Variants in TEKT5 observed in about 807,000 individuals in gnomAD.
TEKT5 encodes the protein tektin-5.
Under a neutral mutation model 48.7 loss-of-function variants are expected in TEKT5, and 52 were observed. That is an observed-to-expected ratio of 1.07 (90% CI 0.86 to 1.35). TEKT5 has a LOEUF of 1.35. TEKT5 is among the 40% of genes most tolerant of loss of function. The pLI, the probability that TEKT5 is intolerant of heterozygous loss-of-function variation, is 0.00. For missense variants in TEKT5, 831 were observed against 641.6 expected (o/e 1.30, Z -3.19); for synonymous variants, 318 against 267.6 (o/e 1.19, Z -1.84).
At chr16:10,689,389 G>C (rs1898924794) in intron 2 of TEKT5, 66 bp from the exon 3 acceptor site, 3 of 1,413,182 alleles carry the variant, frequency 2.1e-6, no homozygotes, top group African/African-American at 1.4e-5. Flanking sequence ...TCCCAGGCCA[G>C]AGCCCTCAGC....
Position 10,652,491 on chromosome 16 carries a change from CA to C in TEKT5, c.1087-16574del, listed in dbSNP as rs1898176031. ...ACACACACACACACACACACACACA[CA>C]CACCCTCCAGGCCAGGTAGAGCGAT... On this transcript the variant is annotated intron_variant, in intron 5 of 6. Transcript: ENST00000283025. Among the ~76,000 whole-genome samples, 46 of 141,172 alleles carry C rather than the reference CA, an allele frequency of 3.3e-4. 3 individuals are homozygous for C. In the South Asian group the frequency reaches 5.3e-3, roughly 16 times the overall value. 92.6% of individuals were successfully genotyped at this position (141,172 alleles called of 152,430 possible). A position where few individuals can be genotyped will look rare whatever the true frequency, so the allele number is the denominator to read the frequency against.
chr16:10,691,816 C>T (rs1567237894), intron 1 of TEKT5, among the ~76,000 whole-genome samples: 3 of 151,900 alleles, frequency 2.0e-5, no homozygotes, highest in South Asian at 2.1e-4. Context: ...GGCATAGTGG[C>T]GGGCGCCTGT....
intron 5 of TEKT5, among the ~76,000 whole-genome samples, chr16:10,662,615 A>G (rs945898014): frequency 1.3e-5 from 2 of 152,184 alleles, no homozygotes; most frequent in African/African-American, 4.8e-5. Context: ...GCTTTCTTGC[A>G]ACGTATCCTT....
intron 1 of TEKT5, among the ~76,000 whole-genome samples, chr16:10,693,949 G>A (rs1216675847): frequency 1.3e-5 from 2 of 152,212 alleles, no homozygotes; most frequent in African/African-American, 4.8e-5. Context: ...CAGCTTGGGT[G>A]ACAGAGGGAG....
At chr16:10,642,865 G>A in intron 5 of TEKT5, among the ~76,000 whole-genome samples, 1 of 152,128 alleles carries the variant, frequency 6.6e-6, no homozygotes, top group East Asian at 1.9e-4. Context: ...TAGAGAGTGA[G>A]TTCTTAAAGG....
At chr16:10,646,134 C>CA (rs771452656) in intron 5 of TEKT5, among the ~76,000 whole-genome samples, 5,307 of 135,770 alleles carry the variant, frequency 0.039, 199 homozygotes, top group African/African-American at 0.1. Context: ...GACTCTGTCT[C>CA]AAAAAAAAAA....
chr16:10,649,689 G>A (rs2142272519), intron 5 of TEKT5, among the ~76,000 whole-genome samples: 1 of 152,254 alleles, frequency 6.6e-6, no homozygotes, highest in Admixed American at 6.5e-5. Flanking sequence ...TCCCACACTG[G>A]CCTCCTAAAG....
At chr16:10,689,753 G>A (rs542658383) in intron 2 of TEKT5, among the ~76,000 whole-genome samples, 189 bp downstream of exon 2, 1 of 152,050 alleles carries the variant, frequency 6.6e-6, no homozygotes, top group South Asian at 2.1e-4. Context: ...AAAGACTGAG[G>A]GTCAAATAAC....
chr16:10,638,870 T>A lies in TEKT5; in HGVS notation c.1087-2952A>T, dbSNP rs74940092. 1.7e-3 allele frequency among the ~76,000 whole-genome samples: 264 copies of A among 152,336 alleles called. 1 individual carries two copies. The highest frequency in any genetic ancestry group is 6.2e-3 in the African/African-American group (258 of 41,584). On this transcript the variant is annotated intron_variant, in intron 5 of 6. Coordinates refer to ENST00000283025, the MANE Select transcript of TEKT5 (RefSeq NM_144674.2). ...GTCTGGGGAAAGAGACAGACAAGAC[T>A]ATGATGTAAAACAAAAAGTACTATC...
chr16:10,631,654 G>A (rs1437833164), intron 6 of TEKT5, among the ~76,000 whole-genome samples: 4 of 152,108 alleles, frequency 2.6e-5, no homozygotes, highest in East Asian at 1.9e-4. Context: ...TCCAATGACT[G>A]ATCTCCTGAT....
intron 5 of TEKT5, among the ~76,000 whole-genome samples, chr16:10,664,029 A>G (rs1898418688): frequency 6.6e-6 from 1 of 152,248 alleles, no homozygotes; most frequent in South Asian, 2.1e-4. Flanking sequence ...CTTGCCTGAG[A>G]GACCAATATG....
At chr16:10,632,869 G>GACACACACACAC (rs35503579) in intron 6 of TEKT5, among the ~76,000 whole-genome samples, 1,369 of 131,694 alleles carry the variant, frequency 0.01, 28 homozygotes, top group East Asian at 0.013. Context: ...CACAGATGCA[G>GACACACACACAC]ACACACACAC....
chr16:10,644,103 T>C (rs942067817), intron 5 of TEKT5, among the ~76,000 whole-genome samples: 8 of 152,214 alleles, frequency 5.3e-5, no homozygotes, highest in Non-Finnish European at 1.2e-4. Flanking sequence ...AAGCAGCTAC[T>C]AGACACTTTA....
chr16:10,654,924 TC>T lies in TEKT5; in HGVS notation c.1087-19007del, dbSNP rs375024938. Among the ~76,000 whole-genome samples the T allele has an allele frequency of 5.3e-4, 24 of 44,996 alleles. 1 individual carries two copies. In the South Asian group the frequency reaches 6.4e-3, roughly 12 times the overall value. The allele number at this position is 44,996 out of a possible 152,430, so 29.5% of individuals were successfully genotyped here. ...CCACCATGCCATGGACTGTCCTGTC[TC>T]CCCCCCCTCCCCTCCCCCACCCCCC... is the stretch of plus-strand genomic sequence containing the variant. On this transcript the variant is annotated intron_variant, in intron 5 of 6. Transcript: ENST00000283025.
intron 5 of TEKT5, among the ~76,000 whole-genome samples, chr16:10,649,437 T>A (rs967711197): frequency 4.6e-5 from 7 of 152,018 alleles, no homozygotes; most frequent in Non-Finnish European, 8.8e-5. Context: ...ATTATTTTTT[T>A]AATTTTCTTT....
At chr16:10,639,544 C>T (rs1018603872) in intron 5 of TEKT5, among the ~76,000 whole-genome samples, 9 of 152,066 alleles carry the variant, frequency 5.9e-5, no homozygotes, top group Non-Finnish European at 1.2e-4. Context: ...AAGTGTGTGA[C>T]AAGAAAAAAA....
chr16:10,635,037 T>A (rs923372861), intron 6 of TEKT5, among the ~76,000 whole-genome samples: 1 of 152,074 alleles, frequency 6.6e-6, no homozygotes, highest in Non-Finnish European at 1.5e-5. Context: ...AATAGACAAC[T>A]AAGATAATGC....
At chr16:10,652,072 C>T (rs949862339) in intron 5 of TEKT5, among the ~76,000 whole-genome samples, 1 of 152,188 alleles carries the variant, frequency 6.6e-6, no homozygotes. Flanking sequence ...CTCTCTGAGC[C>T]GTTCCACTAC....
chr16:10,631,347 T>TGGGGG (rs1897838216), intron 6 of TEKT5, among the ~76,000 whole-genome samples: 1 of 6,404 alleles, frequency 1.6e-4, no homozygotes, highest in African/African-American at 8.6e-4. Context: ...TGGGAAGCCA[T>TGGGGG]GGGGTGGGGG....
Sources: allele counts gnomAD v4.1 joint callset (sites outside exome capture counted in the v4.1 genomes callset), GRCh38; gene constraint gnomAD v4.1.1; transcripts MANE v1.5; gene names NCBI Gene and HGNC (gene_info 2026-07-23, HGNC 2026-07-21).